The following IGDCC4 variants were observed in gnomAD, a reference collection of about 807,000 sequenced individuals.
The protein encoded by IGDCC4 is likely ortholog of mouse neighbor of Punc E11.
IGDCC4 carries 72 observed loss-of-function variants against 116.6 expected under a neutral mutation model. That is an observed-to-expected ratio of 0.62 (90% confidence interval 0.51 to 0.75). The LOEUF is 0.75. IGDCC4 is among the 30% of genes least tolerant of loss of function. IGDCC4 has a pLI of 0.00. For synonymous variants in IGDCC4, 709 were observed against 719.9 expected, an observed-to-expected ratio of 0.98 and a Z score of 0.24; for missense variants, 1,501 against 1,662.4, an observed-to-expected ratio of 0.90 and a Z score of 1.69.
chr15:65,388,734 G>C lies in IGDCC4; in HGVS notation c.2707+74C>G, dbSNP rs2091484987. The C allele has an allele frequency of 2.5e-6, 4 of 1,604,344 alleles. No individual in the cohort carries two copies. The Admixed American group carries it at 6.7e-5, about 27-fold the overall frequency. ...CCAGTAGCCCCTGGAACAAACCCCA[G>C]CACTGTTCTCACTGCTGGAAGCGGG... On this transcript the variant is annotated intron_variant, in intron 15 of 19. Coordinates refer to ENST00000352385, the MANE Select transcript of IGDCC4 (RefSeq NM_020962.3).
In IGDCC4 at chr15:65,422,838, C is replaced by T; in HGVS notation, c.25G>A (p.Gly9Ser). The T allele has an allele frequency of 1.7e-6, 2 of 1,210,424 alleles. No individual in the cohort carries two copies. Among genetic ancestry groups the T allele is most frequent in the Non-Finnish European group, 2.1e-6 (2 of 971,026 alleles). 75.0% of individuals were successfully genotyped at this position (1,210,424 alleles called of 1,614,324 possible). A position where few individuals can be genotyped will look rare whatever the true frequency, so the allele number is the denominator to read the frequency against. The change falls in exon 1 of 20, where the codon GGC becomes AGC. Residue 9 changes from glycine (G) to serine (S), a missense_variant. Transcript: ENST00000352385. The stretch of plus-strand genomic sequence containing the variant: ...AAGGTCAACGCGAGGAGCCCGCGGC[C>T]GCGGCCGGCGTCCCCCCGCGCCATG... MARGDAGR[G>S]RGLLALTFCL...
At chr15:65,412,656 C>A (rs572643692) in intron 1 of IGDCC4, among the ~76,000 whole-genome samples, 1 of 151,938 alleles carries the variant, frequency 6.6e-6, no homozygotes, top group Non-Finnish European at 1.5e-5. Flanking sequence ...CCAGGCATGG[C>A]AGCTCACTCC....
chr15:65,411,081 C>T lies in IGDCC4; in HGVS notation c.360G>A (p.Ser120=), dbSNP rs764813803. Residue 120 remains serine, a synonymous_variant, in exon 2 of 20, where the codon TCG becomes TCA. Transcript: ENST00000352385. ...CTCCGAGGGGGCCGTGGGCTAGGCACGAATAGTTGCCTTCAATGACCCCCA... is the reference window on the plus strand; with the variant it reads ...CTCCGAGGGGGCCGTGGGCTAGGCATGAATAGTTGCCTTCAATGACCCCCA... The part of the protein sequence containing the change: ...EAVGVIEGNY[S]CLAHGPLGVL... The T allele has an allele frequency of 2.0e-5, 33 of 1,614,042 alleles. No homozygotes were observed. The highest frequency in any genetic ancestry group is 2.0e-4 in the East Asian group (9 of 44,900).
Position 65,396,947 on chromosome 15 carries a change from G to C in IGDCC4, c.884C>G (p.Thr295Ser). The stretch of plus-strand genomic sequence containing the variant: ...CTGCGCGTTGGCAATTAGTAGGTTG[G>C]TGCGGCCCAGGACGATGACATCTGT... The part of the protein sequence containing the change: ...ISTDVIVLGR[T>S]NLLIANAQPW... Residue 295 changes from threonine to serine, a missense_variant, in exon 6 of 20, where the codon ACC (threonine) becomes AGC (serine). Physicochemically the swap from Thr to Ser is moderately conservative, Grantham distance 58. Transcript: ENST00000352385. 1 of 1,577,800 alleles carries C rather than the reference G, an allele frequency of 6.3e-7. No individual in the cohort carries two copies. Among genetic ancestry groups the C allele is most frequent in the Non-Finnish European group, 8.6e-7 (1 of 1,161,444 alleles).
In IGDCC4 at chr15:65,402,630, A is replaced by G. The variant is rs142027829; in HGVS notation, c.564-143T>C. On this transcript the variant is annotated intron_variant, in intron 3 of 19. Transcript: ENST00000352385. ...ACGCCTATAATCCCAGCACTTTGGG[A>G]GGCGAGGCGGGCGAATCACATGAGG... 7.1e-3 allele frequency: 8,155 copies of G among 1,142,224 alleles called. 428 individuals are homozygous for G. The African/African-American group carries it at 0.11, about 16-fold the overall frequency. The allele number at this position is 1,142,224 out of a possible 1,614,324, so 70.8% of individuals were successfully genotyped here.
intron 3 of IGDCC4, among the ~76,000 whole-genome samples, chr15:65,407,801 A>ATTT (rs34355872): frequency 4.2e-5 from 6 of 142,808 alleles, no homozygotes; most frequent in East Asian, 2.0e-4. Flanking sequence ...TAATTTTTGT[A>ATTT]TTTTTTTTTT....
Position 65,400,811 on chromosome 15 carries a change from C to T in IGDCC4, c.836G>A (p.Arg279Gln), listed in dbSNP as rs768965705. ...CTCCCACCCCCTCCACTCACCTTGT[C>T]GGACCCAGGACACAAAAGGGGTGGG... is the stretch of plus-strand genomic sequence containing the variant. ...ADPTPFVSWV[R>Q]QDGKPISTDV... The change falls in exon 5 of 20, where the codon CGA becomes CAA. Residue 279 changes from arginine to glutamine, a missense_variant. By Grantham distance (43) the Arg-to-Gln change is conservative. Coordinates refer to ENST00000352385, the MANE Select transcript of IGDCC4 (RefSeq NM_020962.3). The T allele has an allele frequency of 2.3e-5, 36 of 1,599,714 alleles. No individual in the cohort carries two copies. The highest frequency in any genetic ancestry group is 4.0e-5 in the African/African-American group (3 of 74,608).
chr15:65,398,553 A>G (rs28709952), intron 5 of IGDCC4, among the ~76,000 whole-genome samples: 30,957 of 122,216 alleles, frequency 0.25, 4,496 homozygotes, highest in African/African-American at 0.4. Flanking sequence ...AAAAAAAAAA[A>G]AAAGAAAGAA....
intron 7 of IGDCC4, among the ~76,000 whole-genome samples, 179 bp downstream of exon 7, chr15:65,395,571 G>A (rs1203980059): frequency 6.6e-6 from 1 of 152,060 alleles, no homozygotes; most frequent in Non-Finnish European, 1.5e-5. Context: ...CCCTTCCAGC[G>A]CCAGTTGCCT....
intron 5 of IGDCC4, 147 bp from the exon 6 acceptor site, chr15:65,397,136 C>T (rs1405537901): frequency 1.9e-6 from 2 of 1,028,140 alleles, no homozygotes; most frequent in Non-Finnish European, 2.8e-6. Context: ...TGCTGGGACT[C>T]TCTGAGCCCG....
intron 5 of IGDCC4, among the ~76,000 whole-genome samples, chr15:65,399,696 C>T (rs1304858062): frequency 6.6e-6 from 1 of 152,128 alleles, no homozygotes; most frequent in Non-Finnish European, 1.5e-5. Flanking sequence ...GCGAAAATGC[C>T]AGCACTGTTC....
Position 65,388,960 on chromosome 15 carries a change from G to C in IGDCC4, c.2555C>G (p.Ser852Cys). Residue 852 changes from serine to cysteine, a missense_variant, in exon 15 of 20, where the codon TCC (serine) becomes TGC (cysteine). Transcript: ENST00000352385. ...TGTCAGGGGGCTCAGTCGCAGGTCGGATGGGGGTGTGGAGGGCCCTGGGGT... is the reference window on the plus strand; with the variant it reads ...TGTCAGGGGGCTCAGTCGCAGGTCGCATGGGGGTGTGGAGGGCCCTGGGGT... ...TLPDRPSTPP[S>C]DLRLSPLTPS... is the part of the protein sequence containing the mutation. The C allele has an allele frequency of 6.2e-7, 1 of 1,604,940 alleles. No individual in the cohort carries two copies. The highest frequency in any genetic ancestry group is 8.5e-7 in the Non-Finnish European group (1 of 1,176,018).
Position 65,384,738 on chromosome 15 carries a change from AGAG to A in IGDCC4, c.3342+213_3342+215del. The A allele has an allele frequency of 1.7e-6, 1 of 601,798 alleles. No homozygotes were observed. The highest frequency in any genetic ancestry group is 2.4e-5 in the South Asian group (1 of 41,172). 37.3% of individuals were successfully genotyped at this position (601,798 alleles called of 1,614,324 possible). On this transcript the variant is annotated intron_variant, in intron 19 of 19. Transcript: ENST00000352385. The surrounding 1 kb of genome is among the most constrained non-coding windows in gnomAD (Gnocchi z 4.9). Reference sequence around the variant, plus strand: ...TGCTGTGGCCCACTTAGGTCTGGGTAGAGGAGGGGCTGTTTTCAACCCAGGTTG... The same window carrying A: ...TGCTGTGGCCCACTTAGGTCTGGGTAGAGGGGCTGTTTTCAACCCAGGTTG...
At chr15:65,407,269 A>G (rs900262593) in intron 3 of IGDCC4, among the ~76,000 whole-genome samples, 3 of 149,174 alleles carry the variant, frequency 2.0e-5, no homozygotes, top group Non-Finnish European at 4.4e-5. Flanking sequence ...AAATTGCAAC[A>G]TAATCCCATT....
At position 65,384,779 on chromosome 15, in the gene IGDCC4, G is replaced by T; in HGVS notation, c.3342+175C>A. 1 of 815,058 alleles carries T rather than the reference G, an allele frequency of 1.2e-6. No homozygotes were observed. Among genetic ancestry groups the T allele is most frequent in the Non-Finnish European group, 1.9e-6 (1 of 537,504 alleles). 50.5% of individuals were successfully genotyped at this position (815,058 alleles called of 1,614,324 possible). ...TCAACCCAGGTTGAAACAGGTTCCT[G>T]CAAACTGGCCTGCCCTCCACCTACT... is the stretch of plus-strand genomic sequence containing the variant. On this transcript the variant is annotated intron_variant, in intron 19 of 19. Coordinates refer to ENST00000352385, the MANE Select transcript of IGDCC4 (RefSeq NM_020962.3). This position sits in a 1 kb window ranked among gnomAD's most constrained non-coding sequence, Gnocchi z 4.9.
chr15:65,390,058 AG>A, intron 13 of IGDCC4, 96 bp downstream of exon 13: 3 of 1,100,660 alleles, frequency 2.7e-6, no homozygotes, highest in Non-Finnish European at 3.9e-6. Context: ...CCTGAATCCC[AG>A]GGGCCCTTCC....
chr15:65,409,025 G>A (rs996843654), intron 3 of IGDCC4, among the ~76,000 whole-genome samples: 1 of 151,990 alleles, frequency 6.6e-6, no homozygotes, highest in Non-Finnish European at 1.5e-5. Flanking sequence ...TATAGAAACT[G>A]GGTTTTGATA....
At chr15:65,419,041 GT>G (rs1282035734) in intron 1 of IGDCC4, among the ~76,000 whole-genome samples, 1 of 151,984 alleles carries the variant, frequency 6.6e-6, no homozygotes, top group Non-Finnish European at 1.5e-5. Context: ...TGCTAAAATT[GT>G]TTCTTCTTTT....
Position 65,422,903 on chromosome 15 carries a change from G to T in IGDCC4, c.-41C>A, listed in dbSNP as rs1036237496. The T allele has an allele frequency of 4.0e-5, 40 of 1,002,888 alleles. No individual in the cohort carries two copies. Among genetic ancestry groups the T allele is most frequent in the Non-Finnish European group, 4.4e-5 (37 of 841,380 alleles). 62.1% of individuals were successfully genotyped at this position (1,002,888 alleles called of 1,614,324 possible). On this transcript the variant is annotated 5_prime_UTR_variant, in exon 1 of 20. Transcript: ENST00000352385. Reference sequence around the variant, plus strand: ...CCGCCGCCGCCGCCGCCGCCTCCCCGTGCTTCGGCCGCCGCCGCGGGGGGA... The same window carrying T: ...CCGCCGCCGCCGCCGCCGCCTCCCCTTGCTTCGGCCGCCGCCGCGGGGGGA...
Sources: allele counts gnomAD v4.1 joint callset (sites outside exome capture counted in the v4.1 genomes callset), GRCh38; gene constraint gnomAD v4.1.1; non-coding constraint Gnocchi (gnomAD v3.1); transcripts MANE v1.5; gene names NCBI Gene and HGNC (gene_info 2026-07-23, HGNC 2026-07-21).